Variants in TAF4B observed in about 807,000 individuals in gnomAD.
TAF4B encodes TATA-box binding protein associated factor 4b.
A neutral mutation model predicts 86.4 loss-of-function variants in TAF4B; 38 were observed. The observed-to-expected ratio is 0.44, with a 90% CI of 0.34 to 0.58. The LOEUF (loss-of-function observed/expected upper bound fraction) is 0.58. TAF4B is among the 20% of genes least tolerant of loss of function. The pLI is 0.02. For missense variants in TAF4B, 988 were observed against 1,027.6 expected (o/e 0.96, Z 0.53); for synonymous variants, 388 against 391.2 (o/e 0.99, Z 0.10).
chr18:26,337,270 A>G (rs549912229), intron 13 of TAF4B, among the ~76,000 whole-genome samples: 51 of 152,264 alleles, frequency 3.3e-4, no homozygotes, highest in Non-Finnish European at 5.7e-4. Context: ...TGAAAGTCAA[A>G]TATTGTCATT....
At chr18:26,267,457 T>G in intron 2 of TAF4B, 59 bp from the exon 3 acceptor site, 2 of 1,141,826 alleles carry the variant, frequency 1.8e-6, no homozygotes, top group Non-Finnish European at 2.7e-6. Flanking sequence ...ACTGCAGTAC[T>G]GATCTTAAAT....
intron 1 of TAF4B, among the ~76,000 whole-genome samples, chr18:26,249,726 AT>A (rs1484135611): frequency 2.0e-5 from 3 of 150,694 alleles, no homozygotes; most frequent in African/African-American, 7.3e-5. Context: ...CACTTTATTT[AT>A]TTTTTTTTAG....
At chr18:26,367,484 CCTTT>C (rs1008849530) in intron 14 of TAF4B, among the ~76,000 whole-genome samples, 11 of 152,014 alleles carry the variant, frequency 7.2e-5, no homozygotes, top group African/African-American at 2.7e-4. Context: ...GTGAGTTTGC[CCTTT>C]CTTTATCTTT....
intron 7 of TAF4B, among the ~76,000 whole-genome samples, chr18:26,287,324 C>A (rs1047675322): frequency 3.9e-5 from 6 of 152,050 alleles, no homozygotes; most frequent in African/African-American, 1.4e-4. Flanking sequence ...TAGAATACTT[C>A]TCTAGCTTTT....
chr18:26,290,808 G>C (rs2056582216), intron 7 of TAF4B, among the ~76,000 whole-genome samples: 1 of 152,152 alleles, frequency 6.6e-6, no homozygotes, highest in South Asian at 2.1e-4. Flanking sequence ...GGAGCATCAA[G>C]GAGGACAGTG....
At chr18:26,336,391 T>G (rs1260553585) in intron 13 of TAF4B, among the ~76,000 whole-genome samples, 1 of 152,188 alleles carries the variant, frequency 6.6e-6, no homozygotes, top group Non-Finnish European at 1.5e-5. Context: ...TTGTTTGGAT[T>G]AATGTAGGAA....
intron 11 of TAF4B, among the ~76,000 whole-genome samples, chr18:26,326,101 C>G (rs764954563): frequency 7.9e-5 from 12 of 151,992 alleles, no homozygotes; most frequent in African/African-American, 2.7e-4. Context: ...CTTGAATATC[C>G]GAATTACTGA....
intron 5 of TAF4B, among the ~76,000 whole-genome samples, chr18:26,276,273 A>T (rs867753560): frequency 5.9e-5 from 9 of 152,106 alleles, no homozygotes; most frequent in Non-Finnish European, 1.2e-4. Context: ...CTACCAAATT[A>T]TATGCCTTTG....
chr18:26,229,788 C>T (rs575831304), intron 1 of TAF4B, among the ~76,000 whole-genome samples: 3 of 152,124 alleles, frequency 2.0e-5, no homozygotes, highest in African/African-American at 7.2e-5. Flanking sequence ...CAGGCGTTAG[C>T]CACTGCGCTG....
chr18:26,246,335 A>G (rs191055788), intron 1 of TAF4B, among the ~76,000 whole-genome samples: 1 of 152,258 alleles, frequency 6.6e-6, no homozygotes, highest in East Asian at 1.9e-4. Context: ...TTGTCTAGAA[A>G]GTTCAGTCCG....
In TAF4B at chr18:26,300,586, A is replaced by G. The variant is rs370938844; in HGVS notation, c.1832+7055A>G. 1.9e-4 allele frequency among the ~76,000 whole-genome samples: 28 copies of G among 150,532 alleles called. No individual in the cohort carries two copies. In the East Asian group the frequency reaches 2.7e-3, roughly 15 times the overall value. On this transcript the variant is annotated intron_variant, in intron 9 of 14. Coordinates refer to ENST00000269142, the MANE Select transcript of TAF4B (RefSeq NM_005640.3). Reference sequence around the variant, plus strand: ...ATTTGTTTTCTAATACAGTTTTGTGATCAGAGAACATATTCTTGAACATAT... The same window carrying G: ...ATTTGTTTTCTAATACAGTTTTGTGGTCAGAGAACATATTCTTGAACATAT...
chr18:26,241,722 T>C (rs989449915), intron 1 of TAF4B, among the ~76,000 whole-genome samples: 21 of 152,346 alleles, frequency 1.4e-4, no homozygotes, highest in African/African-American at 4.8e-4. Flanking sequence ...TATGGGAATT[T>C]AGTGCTATAA....
intron 13 of TAF4B, among the ~76,000 whole-genome samples, chr18:26,350,401 A>G (rs982884142): frequency 6.6e-6 from 1 of 152,198 alleles, no homozygotes; most frequent in African/African-American, 2.4e-5. Context: ...GCCAGGTGTA[A>G]TGGCTTATGC....
rs780195768 is a variant in TAF4B at position 26,227,209 on chromosome 18, G to C, written c.276G>C (p.Gln92His). 1 of 1,613,888 alleles carries C rather than the reference G, an allele frequency of 6.2e-7. No homozygotes were observed. The highest frequency in any genetic ancestry group is 8.5e-7 in the Non-Finnish European group (1 of 1,179,982). The change falls in exon 1 of 15, where the codon CAG becomes CAC. Residue 92 changes from glutamine (Q) to histidine (H), a missense_variant. Physicochemically the swap from Gln to His is conservative, Grantham distance 24. This residue lies in a region of TAF4B where 747 missense variants were observed against 737.9 expected (regional missense o/e 1.01). Transcript: ENST00000269142. ...VSSGPRLPAP[Q>H]IVAVKAPNTT... is the part of the protein sequence containing the mutation. Reference sequence around the variant, plus strand: ...GCGGCCCTAGGCTGCCTGCTCCTCAGATAGTCGCCGTGAAAGCCCCCAACA... The same window carrying C: ...GCGGCCCTAGGCTGCCTGCTCCTCACATAGTCGCCGTGAAAGCCCCCAACA...
At chr18:26,238,583 T>C (rs1001464095) in intron 1 of TAF4B, among the ~76,000 whole-genome samples, 2 of 152,090 alleles carry the variant, frequency 1.3e-5, no homozygotes, top group African/African-American at 4.8e-5. Flanking sequence ...TGAACTAATA[T>C]TTATACCTTT....
At chr18:26,248,972 G>A (rs2055962876) in intron 1 of TAF4B, among the ~76,000 whole-genome samples, 1 of 151,628 alleles carries the variant, frequency 6.6e-6, no homozygotes, top group African/African-American at 2.4e-5. Flanking sequence ...AGGAGATCAA[G>A]ACCATCCTGG....
chr18:26,353,982 T>C (rs1333547342), intron 13 of TAF4B, among the ~76,000 whole-genome samples: 1 of 152,240 alleles, frequency 6.6e-6, no homozygotes, highest in Non-Finnish European at 1.5e-5. Context: ...TTTACATTTA[T>C]ATTTTGATTA....
rs1409783051 is a variant in TAF4B, at chr18:26,259,412, C to G, written c.344-5758C>G. Among the ~76,000 whole-genome samples the G allele has an allele frequency of 1.4e-4, 22 of 152,088 alleles. No homozygotes were observed. In the East Asian group the frequency reaches 1.7e-3, roughly 12 times the overall value. On this transcript the variant is annotated intron_variant, in intron 1 of 14. Coordinates refer to ENST00000269142, the MANE Select transcript of TAF4B (RefSeq NM_005640.3). ...AACTCATCATTTACATTAGGTATAT[C>G]TCCTAATGCATCCCTCCCCCCTCCT... is the stretch of plus-strand genomic sequence containing the variant.
rs369192842 is a variant in TAF4B, at chr18:26,292,229, A to AGT, written c.1591-16_1591-15dup. 3.0e-4 allele frequency: 484 copies of AGT among 1,611,342 alleles called. 4 individuals carry two copies. In the African/African-American group the frequency reaches 5.6e-3, roughly 19 times the overall value. Reference sequence around the variant, plus strand: ...CCTTAAGTTGAACAACTATATTGATAGTTCTCATTGTTTCAGGTAGTTCAG... The same window carrying AGT: ...CCTTAAGTTGAACAACTATATTGATAGTGTTCTCATTGTTTCAGGTAGTTCAG... On this transcript the variant is annotated splice_polypyrimidine_tract_variant and intron_variant, in intron 7 of 14. Coordinates refer to ENST00000269142, the MANE Select transcript of TAF4B (RefSeq NM_005640.3).
Sources: gnomAD v4.1 joint callset for allele counts (sites outside exome capture counted in the v4.1 genomes callset) on GRCh38, gnomAD v4.1.1 for gene constraint, gnomAD v4.1.1 regional missense constraint, MANE v1.5 for transcripts, NCBI Gene and HGNC (gene_info 2026-07-23, HGNC 2026-07-21) for gene names.